Variants in MAP3K7CL observed in about 807,000 individuals in gnomAD.
MAP3K7CL encodes the protein MAP3K7 C-terminal like.
Under a neutral mutation model 18.6 loss-of-function variants are expected in MAP3K7CL, and 16 were observed. The ratio of observed to expected loss-of-function variants is 0.86; its 90% CI spans 0.58 to 1.31. The LOEUF is 1.31. Among genes scored for constraint, MAP3K7CL ranks in the 50% most tolerant of loss-of-function variants. MAP3K7CL has a pLI of 0.00. For synonymous variants in MAP3K7CL, 65 were observed against 66.8 expected, an observed-to-expected ratio of 0.97 and a Z score of 0.13; for missense variants, 163 against 174.4, an observed-to-expected ratio of 0.93 and a Z score of 0.37.
chr21:29,154,753 A>G (rs1297102865), intron 3 of MAP3K7CL, among the ~76,000 whole-genome samples: 2 of 152,252 alleles, frequency 1.3e-5, no homozygotes, highest in Admixed American at 6.5e-5. Context: ...TCTCATAGAA[A>G]GCACCAGACG....
chr21:29,143,674 C>T (rs866747674), intron 2 of MAP3K7CL, among the ~76,000 whole-genome samples: 3 of 152,090 alleles, frequency 2.0e-5, no homozygotes, highest in Admixed American at 6.6e-5. Context: ...CCGCCCACCT[C>T]GGCCTCCCAA....
chr21:29,153,868 TA>T (rs1287068614), intron 3 of MAP3K7CL, among the ~76,000 whole-genome samples: 1 of 152,224 alleles, frequency 6.6e-6, no homozygotes, highest in African/African-American at 2.4e-5. Context: ...TCTTACTGCT[TA>T]AGCATGTTAT....
chr21:29,144,130 A>T (rs2146668099), intron 2 of MAP3K7CL, among the ~76,000 whole-genome samples: 1 of 152,036 alleles, frequency 6.6e-6, no homozygotes, highest in African/African-American at 2.4e-5. Flanking sequence ...CTTAAGACAT[A>T]ATTCCCCATG....
chr21:29,106,419 T>A (rs1444562843), intron 4 of MAP3K7CL, among the ~76,000 whole-genome samples: 2 of 152,122 alleles, frequency 1.3e-5, no homozygotes, highest in Non-Finnish European at 2.9e-5. Context: ...TGACCTCAGG[T>A]GATCCGCCTG....
chr21:29,162,480 G>A (rs1363455606), intron 4 of MAP3K7CL, among the ~76,000 whole-genome samples: 1 of 151,670 alleles, frequency 6.6e-6, no homozygotes, highest in Non-Finnish European at 1.5e-5. Context: ...TCAGGAGTTC[G>A]AGACCAGCCT....
At chr21:29,090,169 G>A (rs913615580) in intron 1 of MAP3K7CL, among the ~76,000 whole-genome samples, 1 of 152,112 alleles carries the variant, frequency 6.6e-6, no homozygotes, top group African/African-American at 2.4e-5. Flanking sequence ...GTATTGCTAA[G>A]TAGCCTGCAG....
At chr21:29,124,353 CAAAAAAAAAAAA>C (rs59499297) in intron 4 of MAP3K7CL, among the ~76,000 whole-genome samples, 1 of 78,608 alleles carries the variant, frequency 1.3e-5, no homozygotes, top group African/African-American at 4.8e-5. Flanking sequence ...GACTCCGTCT[CAAAAAAAAAAAA>C]AAAAAAAAAA....
intron 4 of MAP3K7CL, among the ~76,000 whole-genome samples, chr21:29,163,266 G>A (rs377330557): frequency 9.7e-4 from 148 of 152,326 alleles, no homozygotes; most frequent in African/African-American, 3.2e-3. Flanking sequence ...TGTTTCTGCA[G>A]AACTCATCTT....
At chr21:29,146,049 TA>T (rs1446422090) in intron 2 of MAP3K7CL, among the ~76,000 whole-genome samples, 1 of 152,100 alleles carries the variant, frequency 6.6e-6, no homozygotes, top group Non-Finnish European at 1.5e-5. Context: ...TGTAGTAAAG[TA>T]AATGGATAAC....
chr21:29,087,714 C>T (rs1401347822), intron 1 of MAP3K7CL, among the ~76,000 whole-genome samples: 1 of 151,606 alleles, frequency 6.6e-6, no homozygotes, highest in African/African-American at 2.4e-5. Context: ...TTGCCTCAGC[C>T]TCCTGAGTAG....
chr21:29,107,523 T>C (rs1369570016), intron 4 of MAP3K7CL, among the ~76,000 whole-genome samples: 1 of 152,158 alleles, frequency 6.6e-6, no homozygotes, highest in Non-Finnish European at 1.5e-5. Flanking sequence ...TGCAGTGATT[T>C]AGGGTAGGCC....
intron 4 of MAP3K7CL, among the ~76,000 whole-genome samples, chr21:29,120,638 A>G (rs1381756766): frequency 6.6e-6 from 1 of 152,104 alleles, no homozygotes; most frequent in Non-Finnish European, 1.5e-5. Flanking sequence ...AGGTATTAAC[A>G]TAGAATGTTT....
chr21:29,105,008 G>A (rs919131923), intron 4 of MAP3K7CL, among the ~76,000 whole-genome samples: 21 of 152,128 alleles, frequency 1.4e-4, no homozygotes, highest in African/African-American at 4.3e-4. Flanking sequence ...GATAAGCCAC[G>A]GGTAAGACTT....
intron 1 of MAP3K7CL, chr21:29,131,477 C>A (rs184851401): frequency 6.6e-6 from 1 of 152,306 alleles, no homozygotes; most frequent in East Asian, 1.9e-4. Flanking sequence ...TAACAAAATG[C>A]TTGATTCTGA....
At chr21:29,133,454 C>T in intron 2 of MAP3K7CL, 40 bp downstream of exon 2, 1 of 1,427,602 alleles carries the variant, frequency 7.0e-7, no homozygotes, top group Non-Finnish European at 9.5e-7. Context: ...TCCTTCATAC[C>T]CCACCTTTCT....
At chr21:29,168,887 A>C (rs2087755805) in intron 4 of MAP3K7CL, among the ~76,000 whole-genome samples, 1 of 152,204 alleles carries the variant, frequency 6.6e-6, no homozygotes, top group Admixed American at 6.5e-5. Flanking sequence ...GCTCAAATCC[A>C]ATCTCTGGGG....
At chr21:29,160,200 T>C in intron 4 of MAP3K7CL, 144 bp downstream of exon 4, 1 of 563,376 alleles carries the variant, frequency 1.8e-6, no homozygotes, top group Non-Finnish European at 3.1e-6. Flanking sequence ...CTATTGGAGA[T>C]TAAGTGCTTT....
intron 4 of MAP3K7CL, among the ~76,000 whole-genome samples, chr21:29,111,604 G>A (rs2086421921): frequency 6.6e-6 from 1 of 152,150 alleles, no homozygotes; most frequent in Non-Finnish European, 1.5e-5. Context: ...AAGTCTACGT[G>A]TTTTCACTTA....
intron 4 of MAP3K7CL, chr21:29,102,514 G>A (rs925826830): frequency 7.9e-6 from 1 of 125,952 alleles, no homozygotes; most frequent in African/African-American, 3.1e-5. Context: ...ACAGGGTCTC[G>A]CTATGTTGCC....
Sources: gnomAD v4.1 joint callset for allele counts (sites outside exome capture counted in the v4.1 genomes callset) on GRCh38, gnomAD v4.1.1 for gene constraint, MANE v1.5 for transcripts, NCBI Gene and HGNC (gene_info 2026-07-23, HGNC 2026-07-21) for gene names.